The following ATAD2B variants were observed in gnomAD, a reference collection of about 807,000 sequenced individuals.
The protein encoded by ATAD2B is ATPase family AAA domain-containing protein 2B.
ATAD2B carries 40 observed loss-of-function variants against 167.6 expected under a neutral mutation model. That is an observed-to-expected ratio of 0.24 (90% CI 0.19 to 0.31). ATAD2B has a LOEUF of 0.31. ATAD2B is among the 10% of genes least tolerant of loss of function. ATAD2B has a pLI of 1.00. For missense variants in ATAD2B, 1,242 were observed against 1,757.2 expected (o/e 0.71, Z 5.24); for synonymous variants, 579 against 596.5 (o/e 0.97, Z 0.43).
At chr2:23,858,372 C>T (rs980504804) in intron 12 of ATAD2B, among the ~76,000 whole-genome samples, 2 of 152,084 alleles carry the variant, frequency 1.3e-5, no homozygotes, top group Non-Finnish European at 2.9e-5. Flanking sequence ...CCACCCACCT[C>T]GGCCTCCCAA....
rs142330543 is a variant in ATAD2B at position 23,765,578 on chromosome 2, T to C, written c.3184A>G (p.Ile1062Val). ...ACTLKDTAHA[I>V]IAAELDPEFN... is the part of the protein sequence containing the mutation. ...TCTGGATCTAATTCAGCTGCAATGA[T>C]AGCATGTGCAGTGTCCTTCAGGGTA... Residue 1062 changes from isoleucine (I) to valine (V), a missense_variant, in exon 23 of 28, where the codon ATC becomes GTC. Coordinates refer to ENST00000238789, the MANE Select transcript of ATAD2B (RefSeq NM_017552.4). 2 of 1,568,482 alleles carry C rather than the reference T, an allele frequency of 1.3e-6. No homozygotes were observed. The highest frequency in any genetic ancestry group is 1.7e-6 in the Non-Finnish European group (2 of 1,152,020).
intron 13 of ATAD2B, among the ~76,000 whole-genome samples, chr2:23,845,780 A>C (rs1197506147): frequency 6.7e-6 from 1 of 149,994 alleles, no homozygotes; most frequent in Non-Finnish European, 1.5e-5. Context: ...GGGTTTCACT[A>C]TGTTGGCCAG....
Position 23,751,721 on chromosome 2 carries a change from G to A in ATAD2B, c.*325C>T. The A allele has an allele frequency of 3.1e-6, 1 of 321,232 alleles. No individual in the cohort carries two copies. The highest frequency in any genetic ancestry group is 4.4e-5 in the South Asian group (1 of 22,962). 19.9% of individuals were successfully genotyped at this position (321,232 alleles called of 1,614,324 possible). A position where few individuals can be genotyped will look rare whatever the true frequency, so the allele number is the denominator to read the frequency against. ...TCCTGTTTGCTGGTCTGCTCCCTAA[G>A]AGAGGAGTCTCCAAAAGAGAGTGCA... On this transcript the variant is annotated 3_prime_UTR_variant, in exon 28 of 28. Transcript: ENST00000238789.
chr2:23,691,661 T>A, the ATAD2B span: 1 of 1,551,196 alleles, frequency 6.4e-7, no homozygotes, highest in Non-Finnish European at 8.7e-7. Context: ...GACACCCTGG[T>A]CTCTGTGCCT....
the ATAD2B span, among the ~76,000 whole-genome samples, chr2:23,727,842 T>C: frequency 6.6e-6 from 1 of 152,178 alleles, no homozygotes; most frequent in Non-Finnish European, 1.5e-5. Flanking sequence ...ATTCTAACTA[T>C]GTAACATTCT....
At chr2:23,720,996 C>G in the ATAD2B span, among the ~76,000 whole-genome samples, 1 of 152,188 alleles carries the variant, frequency 6.6e-6, no homozygotes, top group African/African-American at 2.4e-5. Flanking sequence ...CCACCACATC[C>G]CAGCAGCATA....
intron 1 of ATAD2B, among the ~76,000 whole-genome samples, chr2:23,925,690 A>T (rs966063011): frequency 4.6e-5 from 7 of 152,242 alleles, no homozygotes; most frequent in South Asian, 2.1e-4. Flanking sequence ...AAATTTCAAG[A>T]TCTTTCAATC....
At chr2:23,692,781 A>G in the ATAD2B span, among the ~76,000 whole-genome samples, 1 of 152,064 alleles carries the variant, frequency 6.6e-6, no homozygotes, top group Non-Finnish European at 1.5e-5. Flanking sequence ...TGGACCCCAG[A>G]GCCTAGCGAG....
intron 13 of ATAD2B, among the ~76,000 whole-genome samples, chr2:23,844,726 C>T (rs956231608): frequency 7.2e-5 from 11 of 152,064 alleles, no homozygotes; most frequent in East Asian, 1.9e-4. Flanking sequence ...AACAAAGTTT[C>T]GGCAAACTAT....
At chr2:23,683,388 C>A in the ATAD2B span, among the ~76,000 whole-genome samples, 1 of 152,216 alleles carries the variant, frequency 6.6e-6, no homozygotes. Context: ...CCAGGGGATC[C>A]TGGGGGCAGG....
chr2:23,923,412 T>C (rs891869118), intron 1 of ATAD2B, among the ~76,000 whole-genome samples: 5 of 152,200 alleles, frequency 3.3e-5, no homozygotes, highest in African/African-American at 4.8e-5. Flanking sequence ...CTATATAGCA[T>C]AGTGCCTACA....
intron 7 of ATAD2B, among the ~76,000 whole-genome samples, chr2:23,878,047 G>GAAAAAAAAA (rs1697286568): frequency 1.4e-5 from 1 of 73,382 alleles, no homozygotes; most frequent in African/African-American, 4.4e-5. Flanking sequence ...AAAGCAAAAT[G>GAAAAAAAAA]TATAAATTGG....
chr2:23,798,686 C>T (rs1251264715), intron 18 of ATAD2B, among the ~76,000 whole-genome samples: 1 of 151,998 alleles, frequency 6.6e-6, no homozygotes, highest in African/African-American at 2.4e-5. Context: ...AAACATACAC[C>T]TATGGCACTC....
chr2:23,864,908 A>G lies in ATAD2B; in HGVS notation c.1205T>C (p.Ile402Thr). ...NIDKSVRFDS[I>T]GGLSHHIHAL... ...ATGAATATGATGGCTCAATCCACCT[A>G]TGCTATCAAACCGTACCTTGGAAAG... Residue 402 changes from isoleucine to threonine, a missense_variant, in exon 11 of 28, where the codon ATA becomes ACA. This residue lies in a region of ATAD2B where 127 missense variants were observed against 146.3 expected (regional missense o/e 0.87). Coordinates refer to ENST00000238789, the MANE Select transcript of ATAD2B (RefSeq NM_017552.4). 1 of 1,591,466 alleles carries G rather than the reference A, an allele frequency of 6.3e-7. No homozygotes were observed.
At chr2:23,742,315 C>A in the ATAD2B span, among the ~76,000 whole-genome samples, 1 of 151,952 alleles carries the variant, frequency 6.6e-6, no homozygotes, top group African/African-American at 2.4e-5. Flanking sequence ...AAATGTCCAA[C>A]AACGATAGAC....
chr2:23,869,668 T>A lies in ATAD2B; in HGVS notation c.1071A>T (p.Arg357Ser), dbSNP rs1361034388. The A allele has an allele frequency of 1.2e-5, 19 of 1,557,848 alleles. No individual in the cohort carries two copies. The highest frequency in any genetic ancestry group is 1.7e-4 in the Middle Eastern group (1 of 5,986). The change falls in exon 9 of 28, where the codon AGA becomes AGT. Residue 357 changes from arginine to serine, a missense_variant. By Grantham distance (110) the Arg-to-Ser change is moderately radical. Coordinates refer to ENST00000238789, the MANE Select transcript of ATAD2B (RefSeq NM_017552.4). ...RRKSKSMARA[R>S]NRCLPMNFRA... ...ACATTACAAATTTTACTAACCTATT[T>A]CTTGCTCTTGCCATGCTCTTTGATT...
rs151085987 is a variant in ATAD2B, at chr2:23,831,948, T to A, written c.1728+1971A>T. ...GCAGAAAAACTCTTTTTAAAACATATCTATATTCACTCCCTCCAATTCCTT... is the reference window on the plus strand; with the variant it reads ...GCAGAAAAACTCTTTTTAAAACATAACTATATTCACTCCCTCCAATTCCTT... On this transcript the variant is annotated intron_variant, in intron 14 of 27. Coordinates refer to ENST00000238789, the MANE Select transcript of ATAD2B (RefSeq NM_017552.4). Among the ~76,000 whole-genome samples the A allele has an allele frequency of 2.5e-3, 382 of 152,276 alleles. 1 individual carries two copies. The highest frequency in any genetic ancestry group is 7.8e-3 in the African/African-American group (326 of 41,546).
At chr2:23,748,356 A>G (rs566801159), downstream of ATAD2B, among the ~76,000 whole-genome samples, 94 of 152,306 alleles carry the variant, frequency 6.2e-4, no homozygotes, top group Middle Eastern at 0.01. Flanking sequence ...AATGAACCAT[A>G]TGACCTGATC....
the ATAD2B span, chr2:23,706,467 C>A: frequency 6.8e-7 from 1 of 1,466,106 alleles, no homozygotes; most frequent in South Asian, 1.4e-5. Flanking sequence ...TCTGTCCCCG[C>A]TTTCCCCCAA....
Sources: gnomAD v4.1 joint callset for allele counts (sites outside exome capture counted in the v4.1 genomes callset) on GRCh38, gnomAD v4.1.1 for gene constraint, gnomAD v4.1.1 regional missense constraint, MANE v1.5 for transcripts, NCBI Gene and HGNC (gene_info 2026-07-23, HGNC 2026-07-21) for gene names.